SUCLA2: variants seen among roughly 807,000 people sequenced by gnomAD.
SUCLA2 encodes succinate--CoA ligase [ADP-forming] subunit beta, mitochondrial.
Under a neutral mutation model 54.8 loss-of-function variants are expected in SUCLA2, and 30 were observed. That is an observed-to-expected ratio of 0.55 (90% CI 0.41 to 0.74). The LOEUF (loss-of-function observed/expected upper bound fraction) is 0.74, where lower values mean the gene tolerates loss of function less well. SUCLA2 is among the 30% of genes least tolerant of loss of function. SUCLA2 has a pLI of 0.00. For synonymous variants in SUCLA2, 172 were observed against 188.9 expected, an observed-to-expected ratio of 0.91 and a Z score of 0.74; for missense variants, 476 against 562.9, an observed-to-expected ratio of 0.85 and a Z score of 1.56.
At chr13:47,986,580 GC>G (rs1440678474) in intron 4 of SUCLA2, among the ~76,000 whole-genome samples, 1 of 152,086 alleles carries the variant, frequency 6.6e-6, no homozygotes, top group Non-Finnish European at 1.5e-5. Context: ...TGCTTTTGTT[GC>G]AATTGCTTTT....
At position 47,949,546 on chromosome 13, in the gene SUCLA2, G is replaced by A; in HGVS notation, c.1165C>T (p.Gln389Ter). Residue 389 changes from glutamine to a stop codon, truncating the protein, a stop_gained, in exon 9 of 11, where the codon CAG becomes TAG. Transcript: ENST00000646932. LOFTEE classifies it high-confidence loss of function. ...TCTTTTACTGCCATGACTATACCCT[G>A]TGCAATAACATCACAGCGCATGATT... ...GGIMRCDVIAQGIVMAVKDLE... is the reference protein window; with the variant it reads ...GGIMRCDVIA 1 of 1,613,402 alleles carries A rather than the reference G, an allele frequency of 6.2e-7. No individual in the cohort carries two copies.
intron 6 of SUCLA2, among the ~76,000 whole-genome samples, chr13:47,966,957 C>T (rs1450256928): frequency 2.6e-5 from 4 of 152,072 alleles, no homozygotes; most frequent in Non-Finnish European, 4.4e-5. Flanking sequence ...AAGTTTAAGG[C>T]TGCAGTGAGC....
chr13:47,956,660 A>G (rs1949823992), intron 6 of SUCLA2, among the ~76,000 whole-genome samples: 1 of 152,222 alleles, frequency 6.6e-6, no homozygotes, highest in Admixed American at 6.5e-5. Context: ...CTAAAGTAGT[A>G]AATGTCAAGA....
chr13:47,957,461 C>T (rs1949830448), intron 6 of SUCLA2, among the ~76,000 whole-genome samples: 1 of 152,144 alleles, frequency 6.6e-6, no homozygotes, highest in Non-Finnish European at 1.5e-5. Flanking sequence ...GCTGCCCACC[C>T]AGTTTTGGCT....
chr13:47,943,282 TAAAAAG>T lies in SUCLA2; in HGVS notation c.*83_*88del. ...GATGGCAATTACAATCTCCACACAC[TAAAAAG>T]AAAAAGAACAATAACACAGAACACA... On this transcript the variant is annotated 3_prime_UTR_variant, in exon 11 of 11. Coordinates refer to ENST00000646932, the MANE Select transcript of SUCLA2 (RefSeq NM_003850.3). The T allele has an allele frequency of 7.4e-7, 1 of 1,357,408 alleles. No individual in the cohort carries two copies. The highest frequency in any genetic ancestry group is 1.1e-6 in the Non-Finnish European group (1 of 948,908). 84.1% of individuals were successfully genotyped at this position (1,357,408 alleles called of 1,614,324 possible).
At chr13:47,972,867 C>A (rs1053413710) in intron 5 of SUCLA2, among the ~76,000 whole-genome samples, 1 of 150,362 alleles carries the variant, frequency 6.7e-6, no homozygotes, top group Non-Finnish European at 1.5e-5. Context: ...TCTGCCTCAG[C>A]CTCCCGAGTA....
In SUCLA2 at chr13:47,988,998, T is replaced by G. The variant is rs745651803; in HGVS notation, c.272-17A>C. The G allele has an allele frequency of 1.2e-5, 20 of 1,607,586 alleles. No homozygotes were observed. The highest frequency in any genetic ancestry group is 1.5e-5 in the Non-Finnish European group (18 of 1,175,336). On this transcript the variant is annotated splice_polypyrimidine_tract_variant and intron_variant, in intron 2 of 10. Transcript: ENST00000646932. ...CTTTTGAACCTAGAAGAAAAACACT[T>G]CTATTAAATATGAAGCATGGAGCAG...
At chr13:47,948,354 C>T (rs78073462) in intron 10 of SUCLA2, among the ~76,000 whole-genome samples, 14,600 of 152,028 alleles carry the variant, frequency 0.096, 820 homozygotes, top group South Asian at 0.18. Flanking sequence ...CACATACATA[C>T]ATATGCGTGC....
intron 8 of SUCLA2, among the ~76,000 whole-genome samples, chr13:47,951,984 C>T (rs987194848): frequency 5.2e-5 from 5 of 95,658 alleles, no homozygotes; most frequent in Admixed American, 1.3e-4. Flanking sequence ...CCTTCCATGC[C>T]TTTGTAAAAA....
At position 47,996,967 on chromosome 13, in the gene SUCLA2, C is replaced by T; in HGVS notation, c.147G>A (p.Gln49=). 6.2e-7 allele frequency: 1 copy of T among 1,614,046 alleles called. No homozygotes were observed. Among genetic ancestry groups the T allele is most frequent in the South Asian group, 1.1e-5 (1 of 91,084 alleles). Residue 49 remains glutamine (Q), a synonymous_variant, in exon 2 of 11, where the codon CAG becomes CAA. Coordinates refer to ENST00000646932, the MANE Select transcript of SUCLA2 (RefSeq NM_003850.3). ...ATTCATGTAGTGAGAGATTCCTTTGCTGTTGCTGCTGTACTTGGAGTCCAT... is the reference window on the plus strand; with the variant it reads ...ATTCATGTAGTGAGAGATTCCTTTGTTGTTGCTGCTGTACTTGGAGTCCAT... ...NNHGLQVQQQ[Q]QRNLSLHEYM... is the part of the protein sequence containing the mutation.
At chr13:47,947,111 AG>A (rs1354579922) in intron 10 of SUCLA2, among the ~76,000 whole-genome samples, 1 of 152,204 alleles carries the variant, frequency 6.6e-6, no homozygotes. Flanking sequence ...GCTTCTCAGA[AG>A]GATGCAACAG....
intron 8 of SUCLA2, among the ~76,000 whole-genome samples, chr13:47,950,197 C>T (rs1468974527): frequency 1.3e-5 from 2 of 152,198 alleles, no homozygotes; most frequent in African/African-American, 2.4e-5. Context: ...ACCTAACTTC[C>T]TCAATGGTCA....
chr13:47,945,299 T>C (rs1253532447), intron 10 of SUCLA2, among the ~76,000 whole-genome samples: 2 of 148,882 alleles, frequency 1.3e-5, no homozygotes, highest in African/African-American at 2.5e-5. Context: ...GGCACACACC[T>C]GTAGTCTCAG....
intron 4 of SUCLA2, among the ~76,000 whole-genome samples, chr13:47,986,029 G>GTTTTT (rs36000556): frequency 1.6e-5 from 2 of 122,230 alleles, no homozygotes; most frequent in Non-Finnish European, 3.3e-5. Flanking sequence ...CATATGTATA[G>GTTTTT]TTTTTTTTTT....
At chr13:47,984,518 T>G (rs1299753504) in intron 4 of SUCLA2, among the ~76,000 whole-genome samples, 1 of 152,174 alleles carries the variant, frequency 6.6e-6, no homozygotes, top group Admixed American at 6.6e-5. Context: ...TTCACTTTCT[T>G]AACCTAAGTT....
intron 8 of SUCLA2, 127 bp from the exon 9 acceptor site, chr13:47,949,730 A>G (rs923228770): frequency 2.2e-6 from 2 of 916,180 alleles, no homozygotes; most frequent in South Asian, 1.4e-5. Context: ...ACCAAACCAC[A>G]ATACCCTCTT....
At chr13:47,944,905 A>G (rs1949717439) in intron 10 of SUCLA2, among the ~76,000 whole-genome samples, 1 of 152,022 alleles carries the variant, frequency 6.6e-6, no homozygotes, top group South Asian at 2.1e-4. Context: ...GGAGGATCAT[A>G]TGAGGTCTGG....
chr13:47,996,259 G>C (rs1950189747), intron 2 of SUCLA2, among the ~76,000 whole-genome samples: 1 of 149,136 alleles, frequency 6.7e-6, no homozygotes, highest in Non-Finnish European at 1.5e-5. Flanking sequence ...GGAAGCGGAG[G>C]TTGCAGTGAG....
At chr13:47,993,754 C>A (rs1378866135) in intron 2 of SUCLA2, among the ~76,000 whole-genome samples, 1 of 152,170 alleles carries the variant, frequency 6.6e-6, no homozygotes, top group Non-Finnish European at 1.5e-5. Context: ...TTATGAAGGC[C>A]AGGCCTGGTG....
Sources: allele counts gnomAD v4.1 joint callset (sites outside exome capture counted in the v4.1 genomes callset), GRCh38; gene constraint gnomAD v4.1.1; transcripts MANE v1.5; gene names NCBI Gene and HGNC (gene_info 2026-07-23, HGNC 2026-07-21).